GAK: variants seen among roughly 807,000 people sequenced by gnomAD.
The protein encoded by GAK is cyclin G associated kinase, also known as cyclin-G-associated kinase.
In GAK, 79 loss-of-function variants were observed where a neutral mutation model predicts 143.9. That is an observed-to-expected ratio of 0.55 (90% CI 0.46 to 0.66). The LOEUF is 0.66. GAK is among the 30% of genes least tolerant of loss of function. The pLI is 0.00. For missense variants in GAK, 1,693 were observed against 1,779.7 expected (o/e 0.95, Z 0.88); for synonymous variants, 881 against 765.5 (o/e 1.15, Z -2.49).
intron 11 of GAK, among the ~76,000 whole-genome samples, chr4:885,007 A>G (rs1715991672): frequency 6.6e-6 from 1 of 151,756 alleles, no homozygotes. Context: ...GTGCTGACAT[A>G]GGATGCGGGT....
At chr4:884,668 C>G (rs1407347935) in intron 11 of GAK, among the ~76,000 whole-genome samples, 1 of 152,234 alleles carries the variant, frequency 6.6e-6, no homozygotes, top group Non-Finnish European at 1.5e-5. Context: ...AGATCAAAAC[C>G]CTCAATAACT....
chr4:866,442 A>G lies in GAK; in HGVS notation c.2965T>C (p.Ser989Pro). Residue 989 changes from serine (S) to proline (P), a missense_variant, in exon 22 of 28, where the codon TCT (serine) becomes CCT (proline). Coordinates refer to ENST00000314167, the MANE Select transcript of GAK (RefSeq NM_005255.4). The part of the protein sequence containing the change: ...DLFGEFLNSD[S>P]VTVPPSFPSA... The stretch of plus-strand genomic sequence containing the variant: ...GGGAAGGATGGTGGGACGGTCACAG[A>G]GTCCGAATTGAGAAATTCGCCGAAG... The G allele has an allele frequency of 6.2e-7, 1 of 1,614,154 alleles. No homozygotes were observed. Among genetic ancestry groups the G allele is most frequent in the South Asian group, 1.1e-5 (1 of 91,088 alleles).
At position 866,657 on chromosome 4, in the gene GAK, C is replaced by T. The variant is rs1271115235; in HGVS notation, c.2873-123G>A. ...CTGGGCAGCCCAGACCCCACGGCTGCCCTCGCAGGGGCACTGAGGCAGTCA... is the reference window on the plus strand; with the variant it reads ...CTGGGCAGCCCAGACCCCACGGCTGTCCTCGCAGGGGCACTGAGGCAGTCA... On this transcript the variant is annotated intron_variant, in intron 21 of 27. Transcript: ENST00000314167. 7.4e-6 allele frequency: 8 copies of T among 1,076,454 alleles called. No individual in the cohort carries two copies. The East Asian group carries it at 1.8e-4, about 24-fold the overall frequency. 66.7% of individuals were successfully genotyped at this position (1,076,454 alleles called of 1,614,324 possible).
At chr4:878,652 A>G (rs1027348224) in intron 15 of GAK, among the ~76,000 whole-genome samples, 1 of 152,216 alleles carries the variant, frequency 6.6e-6, no homozygotes. Context: ...GGTCTACCCT[A>G]CAAATGAGTT....
intron 5 of GAK, 42 bp downstream of exon 5, chr4:904,595 C>T (rs1720718870): frequency 6.6e-7 from 1 of 1,526,396 alleles, no homozygotes; most frequent in Non-Finnish European, 8.8e-7. Flanking sequence ...GTGGGACCCG[C>T]ACACAGAGGC....
intron 1 of GAK, among the ~76,000 whole-genome samples, chr4:917,235 C>T (rs1279384714): frequency 6.6e-6 from 1 of 150,990 alleles, no homozygotes; most frequent in Non-Finnish European, 1.5e-5. Flanking sequence ...CAATGCCAGG[C>T]CAAAAAAAGA....
chr4:896,440 TGA>T lies in GAK; in HGVS notation c.741+18_741+19del. 1 of 1,607,448 alleles carries T rather than the reference TGA, an allele frequency of 6.2e-7. No homozygotes were observed. Among genetic ancestry groups the T allele is most frequent in the Non-Finnish European group, 8.5e-7 (1 of 1,174,862 alleles). On this transcript the variant is annotated intron_variant, in intron 7 of 27. Transcript: ENST00000314167. ...GGCGCACGGAGCCAGGCACTGCCACTGAGAGGCGCCAGACCTCACCCAGATAT... is the reference window on the plus strand; with the variant it reads ...GGCGCACGGAGCCAGGCACTGCCACTGAGGCGCCAGACCTCACCCAGATAT...
At chr4:855,259 C>A (rs1198858667) in intron 24 of GAK, among the ~76,000 whole-genome samples, 3 of 151,980 alleles carry the variant, frequency 2.0e-5, no homozygotes, top group Non-Finnish European at 1.5e-5. Flanking sequence ...TCTCTTTCGC[C>A]ACGGTTGGTT....
intron 10 of GAK, among the ~76,000 whole-genome samples, chr4:889,955 G>T (rs557617198): frequency 6.6e-6 from 1 of 152,134 alleles, no homozygotes; most frequent in African/African-American, 2.4e-5. Flanking sequence ...TCACACTAGC[G>T]GCAGAACTGT....
intron 18 of GAK, among the ~76,000 whole-genome samples, chr4:871,270 A>G (rs1712558293): frequency 1.3e-5 from 2 of 152,254 alleles, no homozygotes; most frequent in South Asian, 4.1e-4. Flanking sequence ...CAGACGGGAC[A>G]ACATCCCACA....
At chr4:865,667 C>A (rs1027343821) in intron 22 of GAK, among the ~76,000 whole-genome samples, 1 of 152,220 alleles carries the variant, frequency 6.6e-6, no homozygotes, top group Non-Finnish European at 1.5e-5. Flanking sequence ...GCTCTGGCCA[C>A]GCAGCACACC....
intron 1 of GAK, among the ~76,000 whole-genome samples, chr4:914,493 G>A (rs1275349212): frequency 1.8e-4 from 12 of 64,930 alleles, no homozygotes; most frequent in African/African-American, 2.0e-4. Context: ...CACAGCCCCA[G>A]CGTGCACGGC....
chr4:915,295 G>C (rs1722945480), intron 1 of GAK, among the ~76,000 whole-genome samples: 1 of 152,168 alleles, frequency 6.6e-6, no homozygotes, highest in African/African-American at 2.4e-5. Context: ...CTCTACTCCA[G>C]AGACAGACAG....
chr4:851,810 C>T lies in GAK; in HGVS notation c.3448G>A (p.Ala1150Thr). The stretch of plus-strand genomic sequence containing the variant: ...GCCCCGATCACACTGAAGTTCGAGG[C>T]ATAGTTAGGCCTTGGCTGTGTGCAG... ...KACTQPRPNYASNFSVIGARE... is the reference protein window; with the variant it reads ...KACTQPRPNYTSNFSVIGARE... Residue 1150 changes from alanine (A) to threonine (T), a missense_variant, in exon 25 of 28, where the codon GCC becomes ACC. Physicochemically the swap from Ala to Thr is moderately conservative, Grantham distance 58. Around this residue, in one of 2 missense-constraint regions of GAK, gnomAD observed 822 missense variants for 788.7 expected, o/e 1.04. Transcript: ENST00000314167. The T allele has an allele frequency of 6.2e-7, 1 of 1,612,164 alleles. No individual in the cohort carries two copies. The highest frequency in any genetic ancestry group is 1.7e-5 in the Admixed American group (1 of 59,768).
Position 884,064 on chromosome 4 carries a change from T to C in GAK, c.1228A>G (p.Ile410Val), listed in dbSNP as rs1349879015. The C allele has an allele frequency of 1.2e-6, 2 of 1,613,680 alleles. No individual in the cohort carries two copies. Among genetic ancestry groups the C allele is most frequent in the Admixed American group, 1.7e-5 (1 of 59,998 alleles). The change falls in exon 12 of 28, where the codon ATA becomes GTA. Residue 410 changes from isoleucine to valine, a missense_variant. Coordinates refer to ENST00000314167, the MANE Select transcript of GAK (RefSeq NM_005255.4). ...VANYAKGDLD[I>V]SYITSRIAVM... is the part of the protein sequence containing the mutation. ...GCAATTCTGGATGTGATGTAAGATA[T>C]GTCCAGGTCACCCTTTGCATAACTG...
chr4:855,305 G>A (rs1748942560), intron 24 of GAK, among the ~76,000 whole-genome samples: 1 of 151,834 alleles, frequency 6.6e-6, no homozygotes, highest in South Asian at 2.1e-4. Context: ...GACATGTCTG[G>A]TCAGATTTAT....
chr4:926,609 G>C (rs1023776564), intron 1 of GAK, among the ~76,000 whole-genome samples: 6 of 152,194 alleles, frequency 3.9e-5, no homozygotes, highest in Admixed American at 3.3e-4. Context: ...GAGCCCCTAA[G>C]GGTTGCTGTG....
chr4:865,068 G>A, intron 23 of GAK, 54 bp downstream of exon 23: 1 of 1,569,532 alleles, frequency 6.4e-7, no homozygotes, highest in South Asian at 1.1e-5. Flanking sequence ...AATAGAGACG[G>A]GCCACAGCAG....
chr4:859,586 C>T lies in GAK; in HGVS notation c.3283+20G>A. On this transcript the variant is annotated intron_variant, in intron 24 of 27. Coordinates refer to ENST00000314167, the MANE Select transcript of GAK (RefSeq NM_005255.4). ...TACAAGGAAACAGCTTCCACACCCC[C>T]AAAGTGCCCTCCACGTTACCTTGGA... 2 of 1,590,714 alleles carry T rather than the reference C, an allele frequency of 1.3e-6. No individual in the cohort carries two copies. The highest frequency in any genetic ancestry group is 1.7e-6 in the Non-Finnish European group (2 of 1,160,632).
Sources: gnomAD v4.1 joint callset for allele counts (sites outside exome capture counted in the v4.1 genomes callset) on GRCh38, gnomAD v4.1.1 for gene constraint, gnomAD v4.1.1 regional missense constraint, MANE v1.5 for transcripts, NCBI Gene and HGNC (gene_info 2026-07-23, HGNC 2026-07-21) for gene names.